The following LGSN variants were observed in gnomAD, a reference collection of about 807,000 sequenced individuals.
LGSN encodes lengsin.
In LGSN, 21 loss-of-function variants were observed where a neutral mutation model predicts 19.5. The ratio of observed to expected loss-of-function variants is 1.07; its 90% CI spans 0.76 to 1.55. The LOEUF (loss-of-function observed/expected upper bound fraction) is 1.55. Ranked by LOEUF, LGSN falls within the 40% of genes most tolerant of loss-of-function variation. LGSN has a pLI of 0.00. For synonymous variants in LGSN, 257 were observed against 215.6 expected (o/e 1.19, Z -1.68); for missense variants, 673 against 608.5 (o/e 1.11, Z -1.12).
chr6:63,317,119 T>C (rs1768897560), intron 1 of LGSN, among the ~76,000 whole-genome samples: 1 of 152,130 alleles, frequency 6.6e-6, no homozygotes, highest in South Asian at 2.1e-4. Context: ...AAGGAAAACA[T>C]GTAAAACTCT....
At chr6:63,348,252 G>A in the LGSN span, among the ~76,000 whole-genome samples, 3 of 152,060 alleles carry the variant, frequency 2.0e-5, no homozygotes, top group Non-Finnish European at 4.4e-5. Context: ...TCAGGAGTTC[G>A]AGACCAGCCT....
chr6:63,456,554 G>A, the LGSN span, among the ~76,000 whole-genome samples: 1 of 151,346 alleles, frequency 6.6e-6, no homozygotes, highest in Admixed American at 6.6e-5. Flanking sequence ...TTTTTGTTCA[G>A]GTTGACAGTT....
At chr6:63,505,609 G>T in the LGSN span, among the ~76,000 whole-genome samples, 17,304 of 108,970 alleles carry the variant, frequency 0.16, 3,642 homozygotes, top group Admixed American at 0.26. Flanking sequence ...AAGAAAGAAA[G>T]AAAGAAAGAA....
chr6:63,286,526 C>T lies in LGSN; in HGVS notation c.164-773G>A, dbSNP rs113001392. ...TCTAACCAACTCGTTAGCTTGAGTC[C>T]CAAAGTGGTACAATGAGTTACTCCA... On this transcript the variant is annotated intron_variant, in intron 2 of 3. Coordinates refer to ENST00000370657, the MANE Select transcript of LGSN (RefSeq NM_016571.3). Among the ~76,000 whole-genome samples, 342 of 152,158 alleles carry T rather than the reference C, an allele frequency of 2.2e-3. 1 individual carries two copies. The highest frequency in any genetic ancestry group is 7.3e-3 in the African/African-American group (302 of 41,498).
chr6:63,294,765 C>A, intron 2 of LGSN, 148 bp downstream of exon 2: 1 of 715,484 alleles, frequency 1.4e-6, no homozygotes, highest in East Asian at 2.6e-5. Flanking sequence ...CTTATATTTG[C>A]CATCTTTTAT....
chr6:63,442,489 C>T, the LGSN span, among the ~76,000 whole-genome samples: 4 of 152,320 alleles, frequency 2.6e-5, no homozygotes, highest in African/African-American at 9.6e-5. Context: ...GACCTAGACA[C>T]AGAGTGCTGA....
chr6:63,446,968 G>C, the LGSN span, among the ~76,000 whole-genome samples: 1 of 152,190 alleles, frequency 6.6e-6, no homozygotes, highest in Non-Finnish European at 1.5e-5. Context: ...AGAATCACTT[G>C]AACCCAGGAG....
At chr6:63,530,446 C>T in the LGSN span, among the ~76,000 whole-genome samples, 38 of 152,102 alleles carry the variant, frequency 2.5e-4, no homozygotes, top group African/African-American at 9.2e-4. Flanking sequence ...ATAAGATGCT[C>T]TAGGTAAACA....
At chr6:63,411,360 A>G in the LGSN span, among the ~76,000 whole-genome samples, 1,115 of 152,342 alleles carry the variant, frequency 7.3e-3, 8 homozygotes, top group African/African-American at 0.025. Context: ...ATCAGAGATA[A>G]GTTACACTAG....
At chr6:63,390,763 G>T in the LGSN span, among the ~76,000 whole-genome samples, 2 of 150,792 alleles carry the variant, frequency 1.3e-5, no homozygotes, top group African/African-American at 4.9e-5. Context: ...GGAGGCTGAG[G>T]CAGGAGAATG....
chr6:63,295,434 A>C (rs954803527), intron 1 of LGSN, among the ~76,000 whole-genome samples: 1 of 152,164 alleles, frequency 6.6e-6, no homozygotes, highest in Non-Finnish European at 1.5e-5. Flanking sequence ...TAGGATTTCT[A>C]ACCTTTTTGT....
the LGSN span, among the ~76,000 whole-genome samples, chr6:63,341,026 T>C: frequency 6.6e-6 from 1 of 152,138 alleles, no homozygotes; most frequent in Admixed American, 6.5e-5. Flanking sequence ...TAGTGTAGTC[T>C]CCATATGATT....
chr6:63,371,654 T>C, the LGSN span, among the ~76,000 whole-genome samples: 5 of 152,198 alleles, frequency 3.3e-5, no homozygotes, highest in African/African-American at 1.2e-4. Context: ...TACATTTACC[T>C]ATAAATGAGA....
the LGSN span, among the ~76,000 whole-genome samples, chr6:63,472,673 G>A: frequency 6.6e-6 from 1 of 152,162 alleles, no homozygotes; most frequent in African/African-American, 2.4e-5. Flanking sequence ...GGGCGCGGTG[G>A]CTCAAGCCTG....
At chr6:63,492,238 T>C in the LGSN span, among the ~76,000 whole-genome samples, 1 of 152,176 alleles carries the variant, frequency 6.6e-6, no homozygotes, top group Non-Finnish European at 1.5e-5. Flanking sequence ...CACCTATCTA[T>C]GCACTGAGTA....
At chr6:63,336,111 C>G in the LGSN span, among the ~76,000 whole-genome samples, 1 of 152,002 alleles carries the variant, frequency 6.6e-6, no homozygotes, top group Non-Finnish European at 1.5e-5. Flanking sequence ...TTAATGGATA[C>G]AAACATACAG....
At chr6:63,553,417 A>G in the LGSN span, among the ~76,000 whole-genome samples, 6 of 152,312 alleles carry the variant, frequency 3.9e-5, no homozygotes, top group South Asian at 1.2e-3. Context: ...GTGAAAGCCA[A>G]AGGTCAATGT....
chr6:63,329,873 C>A, the LGSN span, among the ~76,000 whole-genome samples: 1 of 152,190 alleles, frequency 6.6e-6, no homozygotes, highest in Non-Finnish European at 1.5e-5. Context: ...GGAGAAATAC[C>A]TGGTTACAGG....
the LGSN span, among the ~76,000 whole-genome samples, chr6:63,416,977 T>G: frequency 6.7e-6 from 1 of 149,452 alleles, no homozygotes; most frequent in Non-Finnish European, 1.5e-5. Context: ...AAAGTCGAAC[T>G]TACAGAAAAG....
Sources: gnomAD v4.1 joint callset for allele counts (sites outside exome capture counted in the v4.1 genomes callset) on GRCh38, gnomAD v4.1.1 for gene constraint, MANE v1.5 for transcripts, NCBI Gene and HGNC (gene_info 2026-07-23, HGNC 2026-07-21) for gene names.